Variants in CPNE4 observed in about 807,000 individuals in gnomAD.
CPNE4 encodes the protein copine 4.
In CPNE4, 25 loss-of-function variants were observed where a neutral mutation model predicts 67.9. The observed-to-expected ratio is 0.37, with a 90% CI of 0.27 to 0.51. The LOEUF is 0.51. Ranked by LOEUF, CPNE4 falls within the 20% of genes least tolerant of loss-of-function variation. The pLI is 0.93. For missense variants in CPNE4, 464 were observed against 690.8 expected (o/e 0.67, Z 3.68); for synonymous variants, 242 against 244.9 (o/e 0.99, Z 0.11).
intron 2 of CPNE4, among the ~76,000 whole-genome samples, chr3:131,781,432 T>C (rs1583187931): frequency 6.6e-6 from 1 of 152,214 alleles, no homozygotes; most frequent in Non-Finnish European, 1.5e-5. Context: ...ATTTGAATAT[T>C]TAAAATGAAG....
chr3:132,023,573 C>T (rs1440447147), intron 1 of CPNE4, among the ~76,000 whole-genome samples: 1 of 148,734 alleles, frequency 6.7e-6, no homozygotes, highest in African/African-American at 2.5e-5. Context: ...CTGCAAGCTC[C>T]GCCTCCCGGG....
At chr3:132,025,466 G>C (rs1353002175) in intron 1 of CPNE4, among the ~76,000 whole-genome samples, 3 of 152,200 alleles carry the variant, frequency 2.0e-5, no homozygotes, top group Non-Finnish European at 1.5e-5. Context: ...TAGGAACAGA[G>C]AGAGAGGAGA....
At chr3:131,771,608 CCT>C (rs2083167893) in intron 2 of CPNE4, among the ~76,000 whole-genome samples, 3 of 152,138 alleles carry the variant, frequency 2.0e-5, no homozygotes, top group African/African-American at 7.2e-5. Flanking sequence ...CAGCCTGAGA[CCT>C]CACCAGAAGC....
chr3:131,818,627 T>C (rs1452418222), intron 2 of CPNE4, among the ~76,000 whole-genome samples: 1 of 152,206 alleles, frequency 6.6e-6, no homozygotes, highest in Non-Finnish European at 1.5e-5. Flanking sequence ...TCAGAATCTA[T>C]ATTTTAGCAA....
intron 2 of CPNE4, among the ~76,000 whole-genome samples, chr3:131,775,582 A>G (rs2083272163): frequency 6.6e-6 from 1 of 152,116 alleles, no homozygotes. Flanking sequence ...AGTAAGTCTC[A>G]TGAGATCTGA....
At chr3:131,962,984 C>A (rs1156407349) in intron 1 of CPNE4, among the ~76,000 whole-genome samples, 1 of 152,118 alleles carries the variant, frequency 6.6e-6, no homozygotes, top group Non-Finnish European at 1.5e-5. Flanking sequence ...AGGAACAGTT[C>A]CGGTCTGCAG....
chr3:131,617,463 T>C (rs1468157432), intron 7 of CPNE4, among the ~76,000 whole-genome samples: 1 of 152,220 alleles, frequency 6.6e-6, no homozygotes, highest in Non-Finnish European at 1.5e-5. Flanking sequence ...GTGAAGAAGC[T>C]AAAGATCGGA....
chr3:131,785,301 A>T (rs2083528379), intron 2 of CPNE4, among the ~76,000 whole-genome samples: 1 of 152,050 alleles, frequency 6.6e-6, no homozygotes, highest in Non-Finnish European at 1.5e-5. Context: ...TCAAACATAC[A>T]AGCTATAGTC....
At chr3:131,606,557 C>T (rs1406340261) in intron 7 of CPNE4, among the ~76,000 whole-genome samples, 2 of 152,164 alleles carry the variant, frequency 1.3e-5, no homozygotes, top group African/African-American at 4.8e-5. Context: ...TCGTCATGGT[C>T]CCTGCTCTGG....
intron 1 of CPNE4, among the ~76,000 whole-genome samples, chr3:132,023,681 G>T (rs1022962767): frequency 6.6e-6 from 1 of 151,902 alleles, no homozygotes; most frequent in Admixed American, 6.6e-5. Context: ...TAGAGACGGG[G>T]TTTCACCGTT....
chr3:131,833,284 A>G (rs2085444080), intron 2 of CPNE4, among the ~76,000 whole-genome samples: 1 of 152,244 alleles, frequency 6.6e-6, no homozygotes, highest in African/African-American at 2.4e-5. Flanking sequence ...AATGGAGAAT[A>G]ACTGGAAATG....
At chr3:131,674,044 A>G (rs192651263) in intron 6 of CPNE4, among the ~76,000 whole-genome samples, 1 of 152,138 alleles carries the variant, frequency 6.6e-6, no homozygotes, top group Admixed American at 6.6e-5. Flanking sequence ...ATTGTATCAA[A>G]TGCTTCTTCA....
intron 2 of CPNE4, among the ~76,000 whole-genome samples, chr3:131,825,733 A>T (rs2085133208): frequency 6.6e-6 from 1 of 152,172 alleles, no homozygotes; most frequent in Admixed American, 6.5e-5. Context: ...GGGCCAGGAG[A>T]CAAGATCAGG....
Position 131,976,266 on chromosome 3 carries a change from T to C in CPNE4, c.-2+58301A>G, listed in dbSNP as rs72992897. On this transcript the variant is annotated intron_variant, in intron 1 of 15. Coordinates refer to ENST00000429747, the MANE Select transcript of CPNE4 (RefSeq NM_130808.3). ...GACTTACTTTTGTAGGGTTTAATTTTTTTTTTAATACTTAGACCATGGCTT... is the reference window on the plus strand; with the variant it reads ...GACTTACTTTTGTAGGGTTTAATTTCTTTTTTAATACTTAGACCATGGCTT... Among the ~76,000 whole-genome samples the C allele has an allele frequency of 4.6e-3, 704 of 152,088 alleles. 3 individuals carry two copies. The highest frequency in any genetic ancestry group is 0.016 in the African/African-American group (673 of 41,524).
At chr3:131,941,769 A>AC (rs1560640931) in intron 1 of CPNE4, among the ~76,000 whole-genome samples, 1 of 152,074 alleles carries the variant, frequency 6.6e-6, no homozygotes, top group African/African-American at 2.4e-5. Flanking sequence ...CTTAATAAAA[A>AC]ATTTTCCTTC....
At chr3:131,841,834 A>T (rs940652459) in intron 2 of CPNE4, among the ~76,000 whole-genome samples, 1 of 152,184 alleles carries the variant, frequency 6.6e-6, no homozygotes, top group African/African-American at 2.4e-5. Flanking sequence ...TGCAAAGTAA[A>T]CTATAAACAA....
intron 2 of CPNE4, among the ~76,000 whole-genome samples, chr3:131,824,654 A>G (rs2085084978): frequency 6.6e-6 from 1 of 152,182 alleles, no homozygotes; most frequent in Non-Finnish European, 1.5e-5. Context: ...AGTTGTATAA[A>G]TGAAAGCAGA....
chr3:132,026,894 A>T (rs138333397), intron 1 of CPNE4, among the ~76,000 whole-genome samples: 5 of 152,188 alleles, frequency 3.3e-5, no homozygotes, highest in Admixed American at 1.3e-4. Flanking sequence ...AGGTTTAGTA[A>T]TTTCCCCAAA....
chr3:131,632,223 T>G (rs945643576), intron 7 of CPNE4, among the ~76,000 whole-genome samples: 1 of 152,004 alleles, frequency 6.6e-6, no homozygotes, highest in Non-Finnish European at 1.5e-5. Context: ...TTGGCCAGGC[T>G]GGTCTCGAAC....
Sources: gnomAD v4.1 joint callset for allele counts (sites outside exome capture counted in the v4.1 genomes callset) on GRCh38, gnomAD v4.1.1 for gene constraint, MANE v1.5 for transcripts, NCBI Gene and HGNC (gene_info 2026-07-23, HGNC 2026-07-21) for gene names.